Variants in KIRREL3 observed in about 807,000 individuals in gnomAD.
KIRREL3 encodes kirre like nephrin family adhesion molecule 3, also known as kin of IRRE-like protein 3.
Under a neutral mutation model 89.7 loss-of-function variants are expected in KIRREL3, and 36 were observed. That is an observed-to-expected ratio of 0.40 (90% CI 0.31 to 0.53). The LOEUF (loss-of-function observed/expected upper bound fraction) is 0.53. KIRREL3 is among the 20% of genes least tolerant of loss of function. KIRREL3 has a pLI of 0.49. For synonymous variants in KIRREL3, 445 were observed against 441.4 expected (o/e 1.01, Z -0.10); for missense variants, 864 against 1,056.6 (o/e 0.82, Z 2.53).
chr11:126,853,267 T>C (rs1944400247), intron 1 of KIRREL3, among the ~76,000 whole-genome samples: 1 of 152,200 alleles, frequency 6.6e-6, no homozygotes. Flanking sequence ...AATTAAGCAA[T>C]TTACAAAATA....
intron 1 of KIRREL3, among the ~76,000 whole-genome samples, chr11:126,633,184 C>T (rs1211053532): frequency 2.0e-5 from 3 of 151,936 alleles, no homozygotes; most frequent in Non-Finnish European, 4.4e-5. Flanking sequence ...TCCCAAGTCT[C>T]GTGTTAAAAT....
intron 1 of KIRREL3, among the ~76,000 whole-genome samples, chr11:126,751,496 C>T (rs903150411): frequency 9.2e-5 from 14 of 152,116 alleles, no homozygotes; most frequent in African/African-American, 2.4e-4. Flanking sequence ...TTTTAGCATT[C>T]GTCACAGGGA....
rs1001031914 is a variant in KIRREL3 at position 126,594,458 on chromosome 11, G to C, written c.56-31546C>G. Among the ~76,000 whole-genome samples, 6 of 152,098 alleles carry C rather than the reference G, an allele frequency of 3.9e-5. No homozygotes were observed. In the East Asian group the frequency reaches 1.2e-3, roughly 29 times the overall value. On this transcript the variant is annotated intron_variant, in intron 1 of 16. Coordinates refer to ENST00000525144, the MANE Select transcript of KIRREL3 (RefSeq NM_032531.4). This position sits in a 1 kb window ranked among gnomAD's most constrained non-coding sequence, Gnocchi z 5.0. ...GGAGAAAGAACATGAGTTTGGAATC[G>C]CTGGAAACTGTCAAATCTCAGCTCC...
rs554612020 is a variant in KIRREL3 at position 126,459,612 on chromosome 11, C to T, written c.743-3158G>A. On this transcript the variant is annotated intron_variant, in intron 6 of 16. Coordinates refer to ENST00000525144, the MANE Select transcript of KIRREL3 (RefSeq NM_032531.4). The surrounding 1 kb of genome is among the most constrained non-coding windows in gnomAD (Gnocchi z 4.8). Reference sequence around the variant, plus strand: ...ATGATTTTAATCTCACTTGTGATGTCGGCAGCATAACTTGCAGGAGGGCAG... The same window carrying T: ...ATGATTTTAATCTCACTTGTGATGTTGGCAGCATAACTTGCAGGAGGGCAG... Among the ~76,000 whole-genome samples, 28 of 152,280 alleles carry T rather than the reference C, an allele frequency of 1.8e-4. 1 individual carries two copies. In the Middle Eastern group the frequency reaches 0.024, roughly 129 times the overall value.
chr11:126,698,981 A>G (rs1203583963), intron 1 of KIRREL3, among the ~76,000 whole-genome samples: 1 of 152,210 alleles, frequency 6.6e-6, no homozygotes, highest in Non-Finnish European at 1.5e-5. Flanking sequence ...TTCATCAGGA[A>G]GTTTTCTTTT....
At position 126,796,529 on chromosome 11, in the gene KIRREL3, T is replaced by C. The variant is rs1950818062; in HGVS notation, c.55+203926A>G. Among the ~76,000 whole-genome samples the C allele has an allele frequency of 6.6e-6, 1 of 152,194 alleles. No individual in the cohort carries two copies. Among genetic ancestry groups the C allele is most frequent in the African/African-American group, 2.4e-5 (1 of 41,448 alleles). On this transcript the variant is annotated intron_variant, in intron 1 of 16. Coordinates refer to ENST00000525144, the MANE Select transcript of KIRREL3 (RefSeq NM_032531.4). This position sits in a 1 kb window ranked among gnomAD's most constrained non-coding sequence, Gnocchi z 5.1. Reference sequence around the variant, plus strand: ...GCCTCCAGTATCTGCTGCTGACATCTGAAATTCCCCTCCTTCCTCATGTGA... The same window carrying C: ...GCCTCCAGTATCTGCTGCTGACATCCGAAATTCCCCTCCTTCCTCATGTGA...
At position 126,612,072 on chromosome 11, in the gene KIRREL3, G is replaced by A. The variant is rs534594755; in HGVS notation, c.56-49160C>T. Among the ~76,000 whole-genome samples, 4 of 152,256 alleles carry A rather than the reference G, an allele frequency of 2.6e-5. No homozygotes were observed. The highest frequency in any genetic ancestry group is 6.5e-5 in the Admixed American group (1 of 15,294). On this transcript the variant is annotated intron_variant, in intron 1 of 16. Coordinates refer to ENST00000525144, the MANE Select transcript of KIRREL3 (RefSeq NM_032531.4). The surrounding 1 kb of genome is among the most constrained non-coding windows in gnomAD (Gnocchi z 4.5). ...CAACTCACGTCACTGATGGACTTAC[G>A]CAGTTGGGTGTGTATTTGGTAACCT...
rs1395991441 is a variant in KIRREL3 at position 126,872,633 on chromosome 11, G to A, written c.55+127822C>T. On this transcript the variant is annotated intron_variant, in intron 1 of 16. Transcript: ENST00000525144. The surrounding 1 kb of genome is among the most constrained non-coding windows in gnomAD (Gnocchi z 4.2). Reference sequence around the variant, plus strand: ...TAGGCCTTGTTATCTTTGAAAAAATGCTCCAGAGTGTCTATCTTTTCTTTC... The same window carrying A: ...TAGGCCTTGTTATCTTTGAAAAAATACTCCAGAGTGTCTATCTTTTCTTTC... 6.6e-6 allele frequency among the ~76,000 whole-genome samples: 1 copy of A among 152,164 alleles called. No individual in the cohort carries two copies. Among genetic ancestry groups the A allele is most frequent in the Non-Finnish European group, 1.5e-5 (1 of 68,018 alleles).
Position 126,696,369 on chromosome 11 carries a change from T to C in KIRREL3, c.56-133457A>G, listed in dbSNP as rs1483984869. Among the ~76,000 whole-genome samples the C allele has an allele frequency of 1.3e-5, 2 of 152,120 alleles. No individual in the cohort carries two copies. Among genetic ancestry groups the C allele is most frequent in the African/African-American group, 4.8e-5 (2 of 41,420 alleles). On this transcript the variant is annotated intron_variant, in intron 1 of 16. Coordinates refer to ENST00000525144, the MANE Select transcript of KIRREL3 (RefSeq NM_032531.4). This position sits in a 1 kb window ranked among gnomAD's most constrained non-coding sequence, Gnocchi z 4.4. ...CTTGGTTGCCTTGTGTGGTTGATGG[T>C]GACATCATCCATCCAATTTCTTATC...
chr11:126,481,508 C>T (rs1053788416), intron 4 of KIRREL3, among the ~76,000 whole-genome samples: 1 of 152,214 alleles, frequency 6.6e-6, no homozygotes, highest in Non-Finnish European at 1.5e-5. Flanking sequence ...CCACACCCAC[C>T]GCCTCTCCCA....
chr11:126,957,987 A>T (rs1441428898), intron 1 of KIRREL3, among the ~76,000 whole-genome samples: 2 of 152,236 alleles, frequency 1.3e-5, no homozygotes, highest in African/African-American at 4.8e-5. Flanking sequence ...TTCAAGGCAC[A>T]ATGAAAAATG....
rs1043423619 is a variant in KIRREL3 at position 126,484,274 on chromosome 11, C to T, written c.434-10808G>A. 3.3e-5 allele frequency among the ~76,000 whole-genome samples: 5 copies of T among 152,092 alleles called. No homozygotes were observed. The highest frequency in any genetic ancestry group is 4.8e-5 in the African/African-American group (2 of 41,386). ...TACAGTTGCAGGGTAGGAGTCCTGG[C>T]GCCTCTTTGCCTGTCTCCCATTGCC... On this transcript the variant is annotated intron_variant, in intron 4 of 16. Coordinates refer to ENST00000525144, the MANE Select transcript of KIRREL3 (RefSeq NM_032531.4). This position sits in a 1 kb window ranked among gnomAD's most constrained non-coding sequence, Gnocchi z 5.2.
chr11:126,747,711 C>G lies in KIRREL3; in HGVS notation c.56-184799G>C, dbSNP rs562898071. On this transcript the variant is annotated intron_variant, in intron 1 of 16. Coordinates refer to ENST00000525144, the MANE Select transcript of KIRREL3 (RefSeq NM_032531.4). This position sits in a 1 kb window ranked among gnomAD's most constrained non-coding sequence, Gnocchi z 4.7. ...TGGAATCTCAAACCTAGCAAAGTGC[C>G]TGTCACAGAGTAAGCACTCAGCGCC... Among the ~76,000 whole-genome samples, 8 of 152,248 alleles carry G rather than the reference C, an allele frequency of 5.3e-5. No individual in the cohort carries two copies. In the South Asian group the frequency reaches 1.7e-3, roughly 32 times the overall value.
rs528716642 is a variant in KIRREL3, at chr11:126,668,050, G to A, written c.56-105138C>T. 6.6e-6 allele frequency among the ~76,000 whole-genome samples: 1 copy of A among 152,158 alleles called. No homozygotes were observed. Among genetic ancestry groups the A allele is most frequent in the Non-Finnish European group, 1.5e-5 (1 of 68,032 alleles). On this transcript the variant is annotated intron_variant, in intron 1 of 16. Coordinates refer to ENST00000525144, the MANE Select transcript of KIRREL3 (RefSeq NM_032531.4). This position sits in a 1 kb window ranked among gnomAD's most constrained non-coding sequence, Gnocchi z 4.4. Reference sequence around the variant, plus strand: ...TGAACAATTTCAGCCCCTCATAAGGGGTTGATAGCTGAGCCCCTGTGTCTT... The same window carrying A: ...TGAACAATTTCAGCCCCTCATAAGGAGTTGATAGCTGAGCCCCTGTGTCTT...
chr11:126,583,709 G>C (rs1193364308), intron 1 of KIRREL3, among the ~76,000 whole-genome samples: 2 of 152,080 alleles, frequency 1.3e-5, no homozygotes, highest in Non-Finnish European at 2.9e-5. Flanking sequence ...AGCTGCTATG[G>C]GGATAAAGGA....
chr11:126,846,878 A>T (rs1408300719), intron 1 of KIRREL3, among the ~76,000 whole-genome samples: 1 of 152,200 alleles, frequency 6.6e-6, no homozygotes, highest in African/African-American at 2.4e-5. Flanking sequence ...CTTGTAAAAA[A>T]ATTGTGTATG....
rs1166502814 is a variant in KIRREL3, at chr11:126,508,048, G to A, written c.433+13267C>T. Among the ~76,000 whole-genome samples, 1 of 152,212 alleles carries A rather than the reference G, an allele frequency of 6.6e-6. No individual in the cohort carries two copies. The highest frequency in any genetic ancestry group is 1.5e-5 in the Non-Finnish European group (1 of 68,038). On this transcript the variant is annotated intron_variant, in intron 4 of 16. Transcript: ENST00000525144. This position sits in a 1 kb window ranked among gnomAD's most constrained non-coding sequence, Gnocchi z 4.9. The stretch of plus-strand genomic sequence containing the variant: ...GGGTAGGGCAGAGATAGTCCTTCCT[G>A]GGGGGTGGCTGTGTGGCCATCAGCC...
rs1218212032 is a variant in KIRREL3, at chr11:126,474,169, G to A, written c.434-703C>T. Among the ~76,000 whole-genome samples, 3 of 152,072 alleles carry A rather than the reference G, an allele frequency of 2.0e-5. No homozygotes were observed. Among genetic ancestry groups the A allele is most frequent in the South Asian group, 2.1e-4 (1 of 4,820 alleles). Reference sequence around the variant, plus strand: ...TCACCATGTTGGCCAGGCTGGTCTCGAACTCCTGACCTCAGGTAATCCACC... The same window carrying A: ...TCACCATGTTGGCCAGGCTGGTCTCAAACTCCTGACCTCAGGTAATCCACC... On this transcript the variant is annotated intron_variant, in intron 4 of 16. Coordinates refer to ENST00000525144, the MANE Select transcript of KIRREL3 (RefSeq NM_032531.4). This position sits in a 1 kb window ranked among gnomAD's most constrained non-coding sequence, Gnocchi z 6.7.
rs1157540176 is a variant in KIRREL3 at position 126,969,744 on chromosome 11, C to T, written c.55+30711G>A. Among the ~76,000 whole-genome samples, 1 of 152,166 alleles carries T rather than the reference C, an allele frequency of 6.6e-6. No individual in the cohort carries two copies. The highest frequency in any genetic ancestry group is 6.5e-5 in the Admixed American group (1 of 15,278). ...AATAATTTTGCAGTGGGACCTGGCTCACTTTTGTAGATCCCTTCAAAGCTG... is the reference window on the plus strand; with the variant it reads ...AATAATTTTGCAGTGGGACCTGGCTTACTTTTGTAGATCCCTTCAAAGCTG... On this transcript the variant is annotated intron_variant, in intron 1 of 16. Coordinates refer to ENST00000525144, the MANE Select transcript of KIRREL3 (RefSeq NM_032531.4). The surrounding 1 kb of genome is among the most constrained non-coding windows in gnomAD (Gnocchi z 4.9).
Sources: allele counts gnomAD v4.1 joint callset (sites outside exome capture counted in the v4.1 genomes callset), GRCh38; gene constraint gnomAD v4.1.1; non-coding constraint Gnocchi (gnomAD v3.1); transcripts MANE v1.5; gene names NCBI Gene and HGNC (gene_info 2026-07-23, HGNC 2026-07-21).